ZBTB46: variants seen among roughly 807,000 people sequenced by gnomAD.
ZBTB46 encodes zinc finger and BTB domain containing 46.
ZBTB46 carries 8 observed loss-of-function variants against 44.1 expected under a neutral mutation model. The observed-to-expected ratio is 0.18, with a 90% CI of 0.11 to 0.33. The LOEUF is 0.33. Ranked by LOEUF, ZBTB46 falls within the 10% of genes least tolerant of loss-of-function variation. ZBTB46 has a pLI of 1.00. For missense variants in ZBTB46, 651 were observed against 847.7 expected, an observed-to-expected ratio of 0.77 and a Z score of 2.88; for synonymous variants, 409 against 382.3, an observed-to-expected ratio of 1.07 and a Z score of -0.81.
chr20:63,750,342 C>T (rs1415792736), intron 4 of ZBTB46, among the ~76,000 whole-genome samples: 1 of 152,048 alleles, frequency 6.6e-6, no homozygotes, highest in African/African-American at 2.4e-5. Context: ...CCTCACTGGG[C>T]TCAGGTGATC....
At chr20:63,815,714 GA>G (rs2092748352) in intron 1 of ZBTB46, among the ~76,000 whole-genome samples, 1 of 126,514 alleles carries the variant, frequency 7.9e-6, no homozygotes, top group Non-Finnish European at 1.7e-5. Context: ...GGCGCAGGTC[GA>G]GTGGGTGCAG....
At chr20:63,774,533 C>T (rs1486510268) in intron 3 of ZBTB46, among the ~76,000 whole-genome samples, 1 of 152,080 alleles carries the variant, frequency 6.6e-6, no homozygotes, top group Admixed American at 6.5e-5. Context: ...GCCGGACTCG[C>T]TCCCTCCTCC....
At chr20:63,816,071 AGTGGGCACAG>A (rs149261322) in intron 1 of ZBTB46, among the ~76,000 whole-genome samples, 15,661 of 137,112 alleles carry the variant, frequency 0.11, 1,287 homozygotes, top group East Asian at 0.42. Context: ...GCGCAGGTGC[AGTGGGCACAG>A]GTGGGCACAG....
At chr20:63,800,130 C>T (rs534302069) in intron 1 of ZBTB46, among the ~76,000 whole-genome samples, 4 of 152,214 alleles carry the variant, frequency 2.6e-5, no homozygotes, top group Admixed American at 2.0e-4. Flanking sequence ...TGCTGGGCTC[C>T]GTCCCGGCCT....
chr20:63,748,841 TC>T (rs1382511457), intron 4 of ZBTB46, among the ~76,000 whole-genome samples: 1 of 152,204 alleles, frequency 6.6e-6, no homozygotes, highest in African/African-American at 2.4e-5. Context: ...TCACCAGTTT[TC>T]TCCCATGAGC....
At position 63,775,934 on chromosome 20, in the gene ZBTB46, G is replaced by T; in HGVS notation, c.966C>A (p.Ser322Arg). The T allele has an allele frequency of 1.9e-6, 3 of 1,584,102 alleles. No homozygotes were observed. Among genetic ancestry groups the T allele is most frequent in the Non-Finnish European group, 2.6e-6 (3 of 1,168,024 alleles). ...CCCTCTCTCCTCGGCTGTCGGAGCT[G>T]CTGGCTTCGGTGACGGACAGGTCCG... ...SNADLSVTEA[S>R]SSDSRGERAE... The change falls in exon 3 of 5, where the codon AGC becomes AGA. Residue 322 changes from serine (S) to arginine (R), a missense_variant. Physicochemically the swap from Ser to Arg is moderately radical, Grantham distance 110. Transcript: ENST00000245663.
intron 1 of ZBTB46, among the ~76,000 whole-genome samples, chr20:63,805,528 T>G (rs1471905036): frequency 1.3e-5 from 2 of 150,898 alleles, no homozygotes; most frequent in African/African-American, 4.9e-5. Context: ...GAAACTGGAG[T>G]GACAAAGTCA....
At chr20:63,774,491 G>A (rs2092403527) in intron 3 of ZBTB46, among the ~76,000 whole-genome samples, 3 of 152,134 alleles carry the variant, frequency 2.0e-5, no homozygotes, top group African/African-American at 7.2e-5. Context: ...CAGCACGCCT[G>A]GACCCCAGCC....
At chr20:63,831,441 C>T (rs2092851822), upstream of ZBTB46, among the ~76,000 whole-genome samples, 1 of 144,474 alleles carries the variant, frequency 6.9e-6, no homozygotes, top group South Asian at 2.1e-4. Context: ...CCGGCCCCGC[C>T]CCTCGCTCGG....
At position 63,752,806 on chromosome 20, in the gene ZBTB46, C is replaced by G. The variant is rs1386671641; in HGVS notation, c.1278G>C (p.Ser426=). ...KKFKCPYCSF[S]AMHQCILKRH... ...GCTTGAGGATGCACTGGTGCATGGC[C>G]GAGAAGCTGCAGTACGGACACTTGA... Residue 426 remains serine (S), a synonymous_variant, in exon 4 of 5, where the codon TCG becomes TCC. Coordinates refer to ENST00000245663, the MANE Select transcript of ZBTB46 (RefSeq NM_001369741.1). The surrounding 1 kb of genome is among the most constrained non-coding windows in gnomAD (Gnocchi z 5.6). 5 of 1,612,978 alleles carry G rather than the reference C, an allele frequency of 3.1e-6. No homozygotes were observed. Among genetic ancestry groups the G allele is most frequent in the East Asian group, 2.2e-5 (1 of 44,850 alleles).
At chr20:63,751,473 C>G (rs2092161354) in intron 4 of ZBTB46, among the ~76,000 whole-genome samples, 1 of 152,164 alleles carries the variant, frequency 6.6e-6, no homozygotes, top group African/African-American at 2.4e-5. Context: ...CAGGCAAACA[C>G]GGGGAGGCCA....
chr20:63,761,441 G>T (rs573967486), intron 3 of ZBTB46, among the ~76,000 whole-genome samples: 2 of 152,216 alleles, frequency 1.3e-5, no homozygotes, highest in East Asian at 1.9e-4. Flanking sequence ...TATTGCTTTA[G>T]ATGTGGGCCT....
At chr20:63,796,254 G>A (rs1601490184) in intron 1 of ZBTB46, among the ~76,000 whole-genome samples, 2 of 152,336 alleles carry the variant, frequency 1.3e-5, no homozygotes, top group South Asian at 4.1e-4. Context: ...TGTGTCTGCC[G>A]CATCCACCGG....
chr20:63,806,006 C>T (rs904881503), intron 1 of ZBTB46, among the ~76,000 whole-genome samples: 1 of 150,410 alleles, frequency 6.6e-6, no homozygotes, highest in Non-Finnish European at 1.5e-5. Context: ...AACTCCTGAC[C>T]TCAGGTGCTC....
chr20:63,775,624 C>T (rs953293293), intron 3 of ZBTB46, 54 bp downstream of exon 3: 2 of 1,512,118 alleles, frequency 1.3e-6, no homozygotes, highest in Non-Finnish European at 1.8e-6. Context: ...GACCTGCAAC[C>T]CTCAGCCTTC....
Position 63,828,323 on chromosome 20 carries a change from C to T in ZBTB46, c.-34+2774G>A, listed in dbSNP as rs763276356. Among the ~76,000 whole-genome samples the T allele has an allele frequency of 4.6e-5, 7 of 152,378 alleles. No individual in the cohort carries two copies. In the South Asian group the frequency reaches 8.3e-4, roughly 18 times the overall value. On this transcript the variant is annotated intron_variant, in intron 1 of 4. Coordinates refer to ENST00000245663, the MANE Select transcript of ZBTB46 (RefSeq NM_001369741.1). ...ACAGCTACGCCGCAGCCGCGGCAGA[C>T]GGCAAGAGGACCACAATCAGGATAA...
intron 1 of ZBTB46, among the ~76,000 whole-genome samples, chr20:63,814,714 C>T (rs1039899482): frequency 3.9e-5 from 6 of 152,194 alleles, no homozygotes; most frequent in South Asian, 4.1e-4. Context: ...CCATGGCCAC[C>T]GCAGGCAACT....
intron 2 of ZBTB46, among the ~76,000 whole-genome samples, chr20:63,785,675 C>T (rs2092509016): frequency 6.6e-6 from 1 of 152,216 alleles, no homozygotes; most frequent in Non-Finnish European, 1.5e-5. Context: ...TCCATGGGAT[C>T]ATGATCTACT....
intron 3 of ZBTB46, among the ~76,000 whole-genome samples, chr20:63,766,229 T>G (rs1461532971): frequency 3.7e-5 from 3 of 80,198 alleles, no homozygotes; most frequent in African/African-American, 1.8e-4. Flanking sequence ...TTTTTTTTTT[T>G]TTTGAGAGGG....
Sources: allele counts gnomAD v4.1 joint callset (sites outside exome capture counted in the v4.1 genomes callset), GRCh38; gene constraint gnomAD v4.1.1; non-coding constraint Gnocchi (gnomAD v3.1); transcripts MANE v1.5; gene names NCBI Gene and HGNC (gene_info 2026-07-23, HGNC 2026-07-21).